Variants in GNG7 observed in about 807,000 individuals in gnomAD.
GNG7 encodes G protein subunit gamma 7.
GNG7 carries 1 observed loss-of-function variant against 4.0 expected under a neutral mutation model. The observed-to-expected ratio is 0.25, with a 90% CI of 0.09 to 1.18. The LOEUF (loss-of-function observed/expected upper bound fraction) is 1.18, where lower values mean the gene tolerates loss of function less well. Ranked by LOEUF, GNG7 falls within the 50% of genes most tolerant of loss-of-function variation. The pLI is 0.50. For synonymous variants in GNG7, 34 were observed against 36.9 expected, an observed-to-expected ratio of 0.92 and a Z score of 0.29; for missense variants, 86 against 91.9, an observed-to-expected ratio of 0.94 and a Z score of 0.26.
At chr19:2,695,958 A>C (rs1913235460) in intron 1 of GNG7, among the ~76,000 whole-genome samples, 1 of 152,108 alleles carries the variant, frequency 6.6e-6, no homozygotes, top group Admixed American at 6.6e-5. Flanking sequence ...CAGGAGTTCG[A>C]GACCAGCCTG....
chr19:2,587,345 C>T (rs1019712116), intron 2 of GNG7, among the ~76,000 whole-genome samples: 18 of 152,128 alleles, frequency 1.2e-4, no homozygotes, highest in African/African-American at 3.9e-4. Context: ...CTTCCTCTGC[C>T]GGGGAAGCTC....
intron 1 of GNG7, among the ~76,000 whole-genome samples, chr19:2,659,199 G>T (rs552848209): frequency 6.6e-6 from 1 of 151,910 alleles, no homozygotes; most frequent in South Asian, 2.1e-4. Context: ...TCAATCTCCT[G>T]ACCTCGTGAT....
chr19:2,560,764 C>T lies in GNG7; in HGVS notation c.-77-5576G>A, dbSNP rs929491777. The stretch of plus-strand genomic sequence containing the variant: ...TTGATGTCAGGAGTTCGAGACCAGC[C>T]TGACCAACATGGGTAGACCCCGTCT... On this transcript the variant is annotated intron_variant, in intron 2 of 4. Coordinates refer to ENST00000382159, the MANE Select transcript of GNG7 (RefSeq NM_052847.3). Among the ~76,000 whole-genome samples, 3 of 152,018 alleles carry T rather than the reference C, an allele frequency of 2.0e-5. No homozygotes were observed. In the South Asian group the frequency reaches 6.2e-4, roughly 32 times the overall value.
At chr19:2,544,375 A>G (rs962260869) in intron 3 of GNG7, among the ~76,000 whole-genome samples, 1 of 152,138 alleles carries the variant, frequency 6.6e-6, no homozygotes, top group Non-Finnish European at 1.5e-5. Flanking sequence ...GGCCTCAGCC[A>G]TGAGCACCCC....
chr19:2,516,937 C>T (rs1972744845), intron 4 of GNG7: 2 of 152,292 alleles, frequency 1.3e-5, no homozygotes, highest in South Asian at 4.1e-4. Context: ...CCCCGCTTAG[C>T]TCACCCCAGC....
At chr19:2,530,723 A>G (rs1388847173) in intron 3 of GNG7, among the ~76,000 whole-genome samples, 3 of 152,230 alleles carry the variant, frequency 2.0e-5, no homozygotes, top group African/African-American at 7.2e-5. Flanking sequence ...CTGTCTCAAA[A>G]AAGAAAGAAA....
intron 2 of GNG7, among the ~76,000 whole-genome samples, chr19:2,583,908 A>T (rs75065878): frequency 2.0e-5 from 3 of 152,210 alleles, no homozygotes; most frequent in East Asian, 3.9e-4. Flanking sequence ...TAAAAAAAAC[A>T]GATTAAAGAA....
At position 2,552,135 on chromosome 19, in the gene GNG7, G is replaced by A. The variant is rs139652830; in HGVS notation, c.-38+3014C>T. Reference sequence around the variant, plus strand: ...GATCTTGGTTGCACGCTCCTTATGAGAATCTAATGCCTAATGGCCTCGACT... The same window carrying A: ...GATCTTGGTTGCACGCTCCTTATGAAAATCTAATGCCTAATGGCCTCGACT... On this transcript the variant is annotated intron_variant, in intron 3 of 4. Transcript: ENST00000382159. 9.2e-4 allele frequency among the ~76,000 whole-genome samples: 140 copies of A among 152,104 alleles called. 2 individuals are homozygous for A. Among genetic ancestry groups the A allele is most frequent in the African/African-American group, 3.1e-3 (130 of 41,514 alleles).
chr19:2,650,358 T>A (rs1342146967), intron 1 of GNG7, among the ~76,000 whole-genome samples: 3 of 152,022 alleles, frequency 2.0e-5, no homozygotes, highest in Non-Finnish European at 2.9e-5. Flanking sequence ...GCTAGCTTTT[T>A]TTGTATTTTT....
At chr19:2,599,023 G>T (rs961494586) in intron 2 of GNG7, among the ~76,000 whole-genome samples, 1 of 152,166 alleles carries the variant, frequency 6.6e-6, no homozygotes, top group Non-Finnish European at 1.5e-5. Flanking sequence ...ATGATGAAGA[G>T]GGGGAGAGGC....
At position 2,553,692 on chromosome 19, in the gene GNG7, C is replaced by G. The variant is rs567812036; in HGVS notation, c.-38+1457G>C. Reference sequence around the variant, plus strand: ...TACATGTAATATGTTATATTACACACATGTGCACATTACATATAATATATT... The same window carrying G: ...TACATGTAATATGTTATATTACACAGATGTGCACATTACATATAATATATT... On this transcript the variant is annotated intron_variant, in intron 3 of 4. Coordinates refer to ENST00000382159, the MANE Select transcript of GNG7 (RefSeq NM_052847.3). Among the ~76,000 whole-genome samples, 4 of 128,848 alleles carry G rather than the reference C, an allele frequency of 3.1e-5. 1 individual carries two copies. The highest frequency in any genetic ancestry group is 2.4e-4 in the Admixed American group (3 of 12,460). 84.5% of individuals were successfully genotyped at this position (128,848 alleles called of 152,430 possible).
intron 2 of GNG7, among the ~76,000 whole-genome samples, chr19:2,588,144 G>A (rs1050973346): frequency 7.9e-5 from 12 of 152,148 alleles, no homozygotes; most frequent in Admixed American, 7.9e-4. Context: ...TACAATTTGT[G>A]CAGCAGAAAT....
chr19:2,640,593 G>C (rs2144854788), intron 2 of GNG7, among the ~76,000 whole-genome samples: 1 of 152,208 alleles, frequency 6.6e-6, no homozygotes, highest in East Asian at 1.9e-4. Flanking sequence ...TTAGGGGCTT[G>C]GCCTTCTTTG....
chr19:2,606,823 G>A (rs967600582), intron 2 of GNG7, among the ~76,000 whole-genome samples: 1 of 151,736 alleles, frequency 6.6e-6, no homozygotes. Context: ...AAACTGAGAA[G>A]GTTCCCATTC....
At chr19:2,579,971 G>A (rs1317577123) in intron 2 of GNG7, among the ~76,000 whole-genome samples, 1 of 152,142 alleles carries the variant, frequency 6.6e-6, no homozygotes, top group African/African-American at 2.4e-5. Context: ...TTCTGGGGGC[G>A]CAGGTGTCTC....
chr19:2,535,910 G>A (rs990049898), intron 3 of GNG7, among the ~76,000 whole-genome samples: 1 of 152,088 alleles, frequency 6.6e-6, no homozygotes, highest in Non-Finnish European at 1.5e-5. Flanking sequence ...AGGGTCACTT[G>A]AGCCCAGGAG....
chr19:2,661,803 C>T (rs890275531), intron 1 of GNG7, among the ~76,000 whole-genome samples: 19 of 152,144 alleles, frequency 1.2e-4, no homozygotes, highest in African/African-American at 4.3e-4. Flanking sequence ...CACATGAGGG[C>T]GCCCTCTTGA....
chr19:2,513,244 T>A lies in GNG7; in HGVS notation c.*1778A>T, dbSNP rs1972680799. ...GCCTCACGGGCCTGCACGGAGGACCTGGGCGGCCGTCCAGGAACCCTCTCG... is the reference window on the plus strand; with the variant it reads ...GCCTCACGGGCCTGCACGGAGGACCAGGGCGGCCGTCCAGGAACCCTCTCG... On this transcript the variant is annotated 3_prime_UTR_variant, in exon 5 of 5. Coordinates refer to ENST00000382159, the MANE Select transcript of GNG7 (RefSeq NM_052847.3). 3.2e-6 allele frequency: 2 copies of A among 627,560 alleles called. No homozygotes were observed. Among genetic ancestry groups the A allele is most frequent in the African/African-American group, 4.0e-5 (2 of 50,216 alleles). The allele number at this position is 627,560 out of a possible 1,614,324, so 38.9% of individuals were successfully genotyped here.
At chr19:2,540,908 C>CCGGCT (rs1978939175) in intron 3 of GNG7, among the ~76,000 whole-genome samples, 1 of 152,236 alleles carries the variant, frequency 6.6e-6, no homozygotes, top group Non-Finnish European at 1.5e-5. Flanking sequence ...AGTGCCACTC[C>CCGGCT]CGGCTCGATA....
Sources: gnomAD v4.1 joint callset for allele counts (sites outside exome capture counted in the v4.1 genomes callset) on GRCh38, gnomAD v4.1.1 for gene constraint, MANE v1.5 for transcripts, NCBI Gene and HGNC (gene_info 2026-07-23, HGNC 2026-07-21) for gene names.